The following SLC22A23 variants were observed in gnomAD, a reference collection of about 807,000 sequenced individuals.
SLC22A23 encodes the protein solute carrier family 22 member 23, also known as ion transporter protein.
A neutral mutation model predicts 61.0 loss-of-function variants in SLC22A23; 26 were observed. The observed-to-expected ratio is 0.43, with a 90% confidence interval of 0.31 to 0.59. The LOEUF (loss-of-function observed/expected upper bound fraction) is 0.59, where lower values mean the gene tolerates loss of function less well. Ranked by LOEUF, SLC22A23 falls within the 20% of genes least tolerant of loss-of-function variation. The pLI, the probability that SLC22A23 is intolerant of heterozygous loss-of-function variation, is 0.11. For synonymous variants in SLC22A23, 430 were observed against 413.9 expected (o/e 1.04, Z -0.47); for missense variants, 796 against 934.7 (o/e 0.85, Z 1.94).
chr6:3,423,876 A>C (rs1770307366), intron 1 of SLC22A23, among the ~76,000 whole-genome samples: 1 of 151,860 alleles, frequency 6.6e-6, no homozygotes, highest in South Asian at 2.1e-4. Flanking sequence ...GTGGTGGGGA[A>C]CTTCTGCTGG....
At chr6:3,453,704 C>T (rs1772259766) in intron 1 of SLC22A23, among the ~76,000 whole-genome samples, 1 of 152,198 alleles carries the variant, frequency 6.6e-6, no homozygotes, top group South Asian at 2.1e-4. Context: ...CTGAAGACAG[C>T]ATGAGGCTTA....
intron 1 of SLC22A23, among the ~76,000 whole-genome samples, chr6:3,447,167 A>G (rs367976271): frequency 1.3e-5 from 2 of 152,092 alleles, no homozygotes; most frequent in African/African-American, 4.8e-5. Context: ...CCCCATTCCC[A>G]TATCAATTGC....
chr6:3,415,996 C>T, intron 1 of SLC22A23, 141 bp from the exon 2 acceptor site: 1 of 591,644 alleles, frequency 1.7e-6, no homozygotes, highest in South Asian at 2.4e-5. Flanking sequence ...GTCAGAGTCT[C>T]TTCCATGGTT....
chr6:3,284,751 TC>T (rs1214402024), intron 8 of SLC22A23, among the ~76,000 whole-genome samples: 2 of 151,840 alleles, frequency 1.3e-5, no homozygotes, highest in East Asian at 3.9e-4. Flanking sequence ...CCAGGCTTTC[TC>T]CCCCCACCCA....
chr6:3,336,975 A>AT (rs1763894805), intron 3 of SLC22A23, among the ~76,000 whole-genome samples: 1 of 152,016 alleles, frequency 6.6e-6, no homozygotes, highest in African/African-American at 2.4e-5. Context: ...TGCCTGGCTG[A>AT]TTTTTAAAAT....
chr6:3,394,645 C>G (rs1013219566), intron 3 of SLC22A23, among the ~76,000 whole-genome samples: 1 of 152,210 alleles, frequency 6.6e-6, no homozygotes. Context: ...CCCCCAAACA[C>G]AAAGCAAAGC....
intron 3 of SLC22A23, among the ~76,000 whole-genome samples, chr6:3,361,296 C>CT (rs60401285): frequency 9.9e-4 from 143 of 145,112 alleles, no homozygotes; most frequent in Middle Eastern, 3.5e-3. Context: ...CTACATCATT[C>CT]TTTTTTTTTT....
At chr6:3,423,923 C>T (rs1341565374) in intron 1 of SLC22A23, among the ~76,000 whole-genome samples, 1 of 152,036 alleles carries the variant, frequency 6.6e-6, no homozygotes, top group South Asian at 2.1e-4. Flanking sequence ...AAGACTGTAA[C>T]GACCCAGGTG....
At chr6:3,405,603 A>G (rs572057215) in intron 3 of SLC22A23, among the ~76,000 whole-genome samples, 25 of 150,032 alleles carry the variant, frequency 1.7e-4, no homozygotes, top group Non-Finnish European at 2.7e-4. Context: ...CTGTGGAGCC[A>G]TTTGGCTCAG....
At chr6:3,300,922 C>T (rs1240534013) in intron 4 of SLC22A23, among the ~76,000 whole-genome samples, 1 of 152,042 alleles carries the variant, frequency 6.6e-6, no homozygotes, top group East Asian at 1.9e-4. Flanking sequence ...GCAGGAGGGC[C>T]GTGTGGAATG....
rs1761852296 is a variant in SLC22A23 at position 3,304,725 on chromosome 6, T to C, written c.1083-6507A>G. ...GCTCTGCTTGGACCGTCTTGGAAGA[T>C]GAGCAGCTGCAGGGCAGGCCCTGTA... On this transcript the variant is annotated intron_variant, in intron 4 of 9. Coordinates refer to ENST00000406686, the MANE Select transcript of SLC22A23 (RefSeq NM_015482.2). The surrounding 1 kb of genome is among the most constrained non-coding windows in gnomAD (Gnocchi z 4.3). Among the ~76,000 whole-genome samples the C allele has an allele frequency of 2.6e-5, 4 of 152,174 alleles. No individual in the cohort carries two copies. The highest frequency in any genetic ancestry group is 4.4e-5 in the Non-Finnish European group (3 of 68,006).
chr6:3,454,609 C>T lies in SLC22A23; in HGVS notation c.654+1297G>A, dbSNP rs1772303014. Among the ~76,000 whole-genome samples the T allele has an allele frequency of 6.6e-6, 1 of 152,144 alleles. No individual in the cohort carries two copies. On this transcript the variant is annotated intron_variant, in intron 1 of 9. Coordinates refer to ENST00000406686, the MANE Select transcript of SLC22A23 (RefSeq NM_015482.2). The surrounding 1 kb of genome is among the most constrained non-coding windows in gnomAD (Gnocchi z 4.3). ...TTGCCCTCCGTGAAGGGAAAACAGT[C>T]ACAGAAACACCTTTAGAAAGCAGGG...
intron 3 of SLC22A23, among the ~76,000 whole-genome samples, chr6:3,346,008 G>T (rs962955256): frequency 6.6e-6 from 1 of 152,062 alleles, no homozygotes; most frequent in African/African-American, 2.4e-5. Flanking sequence ...TGGTACACAC[G>T]CTTGCTGTCA....
chr6:3,399,009 A>C (rs895884037), intron 3 of SLC22A23, among the ~76,000 whole-genome samples: 1 of 152,122 alleles, frequency 6.6e-6, no homozygotes, highest in East Asian at 1.9e-4. Flanking sequence ...AGCCTGGGCA[A>C]CAGAGCAAGA....
rs1358734098 is a variant in SLC22A23, at chr6:3,322,294, C to T, written c.1082+1540G>A. 2.0e-5 allele frequency among the ~76,000 whole-genome samples: 3 copies of T among 152,174 alleles called. No individual in the cohort carries two copies. The East Asian group carries it at 5.8e-4, about 29-fold the overall frequency. ...GAAGCATTTGTGAGATAAATCAGCA[C>T]CCTTGAACTCCGAAACAGCTAAGCC... On this transcript the variant is annotated intron_variant, in intron 4 of 9. Transcript: ENST00000406686. The surrounding 1 kb of genome is among the most constrained non-coding windows in gnomAD (Gnocchi z 4.1).
intron 9 of SLC22A23, among the ~76,000 whole-genome samples, chr6:3,278,483 T>C (rs1759117505): frequency 6.6e-6 from 1 of 152,238 alleles, no homozygotes; most frequent in Non-Finnish European, 1.5e-5. Flanking sequence ...CTGTCACTAT[T>C]TGTTCATGTG....
rs149887385 is a variant in SLC22A23, at chr6:3,296,844, C to T, written c.1210+1247G>A. Among the ~76,000 whole-genome samples, 93 of 152,314 alleles carry T rather than the reference C, an allele frequency of 6.1e-4. 1 individual carries two copies. The East Asian group carries it at 0.015, about 24-fold the overall frequency. On this transcript the variant is annotated intron_variant, in intron 5 of 9. Coordinates refer to ENST00000406686, the MANE Select transcript of SLC22A23 (RefSeq NM_015482.2). ...GGAGCTTCTAGTGACCTAGTGTCCC[C>T]GATCTTCTGAACTGGGAGTCTAACG...
intron 5 of SLC22A23, among the ~76,000 whole-genome samples, chr6:3,296,915 G>T (rs147137917): frequency 6.6e-6 from 1 of 152,154 alleles, no homozygotes; most frequent in Non-Finnish European, 1.5e-5. Context: ...TGGGGTTCCC[G>T]TGCATCCCTT....
chr6:3,366,354 A>AAAG (rs1554145322), intron 3 of SLC22A23, among the ~76,000 whole-genome samples: 145 of 78,462 alleles, frequency 1.8e-3, no homozygotes, highest in African/African-American at 5.5e-3. Context: ...AAAAAAAAAA[A>AAAG]AAAGAAAGAA....
Sources: gnomAD v4.1 joint callset for allele counts (sites outside exome capture counted in the v4.1 genomes callset) on GRCh38, gnomAD v4.1.1 for gene constraint, Gnocchi (gnomAD v3.1) non-coding constraint, MANE v1.5 for transcripts, NCBI Gene and HGNC (gene_info 2026-07-23, HGNC 2026-07-21) for gene names.